Variants in CNIH3 observed in about 807,000 individuals in gnomAD.
The protein encoded by CNIH3 is protein cornichon homolog 3.
Under a neutral mutation model 24.1 loss-of-function variants are expected in CNIH3, and 14 were observed. That is an observed-to-expected ratio of 0.58 (90% CI 0.38 to 0.91). CNIH3 has a LOEUF of 0.91. Ranked by LOEUF, CNIH3 falls within the 40% of genes least tolerant of loss-of-function variation. CNIH3 has a pLI of 0.00. For missense variants in CNIH3, 178 were observed against 196.8 expected, an observed-to-expected ratio of 0.90 and a Z score of 0.57; for synonymous variants, 68 against 73.8, an observed-to-expected ratio of 0.92 and a Z score of 0.40.
intron 3 of CNIH3, among the ~76,000 whole-genome samples, chr1:224,718,625 TAGG>T (rs1266680484): frequency 6.6e-6 from 1 of 151,822 alleles, no homozygotes; most frequent in Admixed American, 6.6e-5. Flanking sequence ...GGGGACCAGT[TAGG>T]AGGAGACGGG....
chr1:224,604,612 C>T lies in CNIH3; in HGVS notation n.402+38348C>T, dbSNP rs113781703. The stretch of plus-strand genomic sequence containing the variant: ...TGGAGCCAGGGATGGGGCTCCCAGA[C>T]TGTTTAGCTAGAGGAGAGCAGAAGG... On this transcript the variant is annotated intron_variant and non_coding_transcript_variant, in intron 3 of 7. Coordinates refer to the CNIH3 transcript ENST00000478120. This position sits in a 1 kb window ranked among gnomAD's most constrained non-coding sequence, Gnocchi z 4.4. Among the ~76,000 whole-genome samples the T allele has an allele frequency of 1.2e-3, 185 of 152,286 alleles. No individual in the cohort carries two copies. The highest frequency in any genetic ancestry group is 4.0e-3 in the African/African-American group (165 of 41,562).
chr1:224,562,776 T>A (rs1680425709), intron 3 of CNIH3, among the ~76,000 whole-genome samples: 1 of 152,134 alleles, frequency 6.6e-6, no homozygotes, highest in South Asian at 2.1e-4. Flanking sequence ...TATGACACAC[T>A]GCTCTCCTTC....
intron 1 of CNIH3, among the ~76,000 whole-genome samples, chr1:224,465,052 C>T (rs1027205417): frequency 1.3e-5 from 2 of 152,022 alleles, no homozygotes. Context: ...CTTTAGCCAC[C>T]TAAAGTGCTG....
Position 224,460,297 on chromosome 1 carries a change from C to T in CNIH3, n.203+25435C>T, listed in dbSNP as rs540640003. ...AAAGTGGATAATTTGATAAGTTTTGCCATATGTTTACATCTGTGAAACTGT... is the reference window on the plus strand; with the variant it reads ...AAAGTGGATAATTTGATAAGTTTTGTCATATGTTTACATCTGTGAAACTGT... On this transcript the variant is annotated intron_variant and non_coding_transcript_variant, in intron 1 of 5. Coordinates refer to the CNIH3 transcript ENST00000471578. 3.6e-3 allele frequency among the ~76,000 whole-genome samples: 547 copies of T among 152,244 alleles called. 4 individuals carry two copies. Among genetic ancestry groups the T allele is most frequent in the African/African-American group, 0.012 (513 of 41,520 alleles).
At chr1:224,599,444 G>A (rs1445639000) in intron 3 of CNIH3, among the ~76,000 whole-genome samples, 3 of 152,114 alleles carry the variant, frequency 2.0e-5, no homozygotes, top group African/African-American at 7.2e-5. Context: ...TTTTGGCAAA[G>A]TTGAAGCATT....
At chr1:224,601,401 G>T (rs549160829) in intron 3 of CNIH3, among the ~76,000 whole-genome samples, 1 of 152,128 alleles carries the variant, frequency 6.6e-6, no homozygotes, top group African/African-American at 2.4e-5. Context: ...CCATTTTGCC[G>T]CTTAGTGCAC....
chr1:224,523,235 T>C (rs1174072370), intron 2 of CNIH3, among the ~76,000 whole-genome samples: 2 of 150,730 alleles, frequency 1.3e-5, no homozygotes, highest in African/African-American at 4.9e-5. Context: ...AGGGACCCTG[T>C]CTCAAAAAAA....
intron 1 of CNIH3, among the ~76,000 whole-genome samples, chr1:224,660,210 C>T (rs559598996): frequency 2.6e-5 from 4 of 152,148 alleles, no homozygotes; most frequent in African/African-American, 7.2e-5. Context: ...GCTGGGGAAG[C>T]CTTACAATCA....
chr1:224,632,667 G>A (rs1683884071), intron 1 of CNIH3, among the ~76,000 whole-genome samples: 1 of 152,048 alleles, frequency 6.6e-6, no homozygotes, highest in Non-Finnish European at 1.5e-5. Flanking sequence ...TCTGGAGCTG[G>A]GAACTGGCCC....
At chr1:224,465,860 T>C (rs1232635942) in intron 1 of CNIH3, among the ~76,000 whole-genome samples, 2 of 151,984 alleles carry the variant, frequency 1.3e-5, no homozygotes, top group Non-Finnish European at 2.9e-5. Context: ...AAACCCCATC[T>C]CCACTAAAAA....
intron 2 of CNIH3, chr1:224,546,767 G>A: frequency 2.9e-6 from 1 of 345,618 alleles, no homozygotes; most frequent in Non-Finnish European, 4.1e-6. Flanking sequence ...TCTAAGGTCA[G>A]CAGAGCCTCA....
chr1:224,443,662 T>TAGATAGATAG (rs1558461499), intron 1 of CNIH3, among the ~76,000 whole-genome samples: 27 of 148,888 alleles, frequency 1.8e-4, no homozygotes, highest in African/African-American at 5.3e-4. Flanking sequence ...CAATTATATA[T>TAGATAGATAG]ATAGATAGAT....
At chr1:224,735,313 C>T (rs543721212) in intron 5 of CNIH3, among the ~76,000 whole-genome samples, 11 of 152,224 alleles carry the variant, frequency 7.2e-5, no homozygotes, top group African/African-American at 2.2e-4. Context: ...TTCACCTCTC[C>T]GCTCAGAACA....
chr1:224,710,903 C>A (rs1276832018), intron 3 of CNIH3, among the ~76,000 whole-genome samples: 1 of 152,192 alleles, frequency 6.6e-6, no homozygotes, highest in Non-Finnish European at 1.5e-5. Context: ...GCATCTTCTT[C>A]CTGCATAATG....
intron 4 of CNIH3, chr1:224,575,501 C>A (rs1680998534): frequency 1.9e-6 from 1 of 533,802 alleles, no homozygotes. Flanking sequence ...GGGAGAGCAA[C>A]CTATAGAGTG....
At chr1:224,673,426 C>T (rs1424152258) in intron 1 of CNIH3, among the ~76,000 whole-genome samples, 1 of 152,190 alleles carries the variant, frequency 6.6e-6, no homozygotes, top group Non-Finnish European at 1.5e-5. Flanking sequence ...CTGTGCAGGC[C>T]TTTCCATGCC....
intron 3 of CNIH3, among the ~76,000 whole-genome samples, chr1:224,608,274 GT>G (rs1244216193): frequency 6.6e-6 from 1 of 152,182 alleles, no homozygotes; most frequent in African/African-American, 2.4e-5. Context: ...TTTCTTGGGA[GT>G]TGCATCCCTT....
intron 2 of CNIH3, among the ~76,000 whole-genome samples, chr1:224,530,866 A>C (rs543909726): frequency 6.6e-6 from 1 of 152,140 alleles, no homozygotes; most frequent in Admixed American, 6.5e-5. Flanking sequence ...CCAAAGTGCT[A>C]GGATTATAGG....
At chr1:224,661,199 C>A in intron 1 of CNIH3, 1 of 268,256 alleles carries the variant, frequency 3.7e-6, no homozygotes, top group South Asian at 5.6e-5. Context: ...AGCTGCTGCT[C>A]CTCACCATGT....
Sources: allele counts gnomAD v4.1 joint callset (sites outside exome capture counted in the v4.1 genomes callset), GRCh38; gene constraint gnomAD v4.1.1; non-coding constraint Gnocchi (gnomAD v3.1); transcripts MANE v1.5; gene names NCBI Gene and HGNC (gene_info 2026-07-23, HGNC 2026-07-21).